Variants in NRXN3 observed in about 807,000 individuals in gnomAD.
NRXN3 encodes neurexin III.
NRXN3 carries 32 observed loss-of-function variants against 137.6 expected under a neutral mutation model. The ratio of observed to expected loss-of-function variants is 0.23; its 90% CI spans 0.18 to 0.31. The LOEUF is 0.31. Ranked by LOEUF, NRXN3 falls within the 10% of genes least tolerant of loss-of-function variation. NRXN3 has a pLI of 1.00. For missense variants in NRXN3, 1,574 were observed against 2,062.5 expected (o/e 0.76, Z 4.59); for synonymous variants, 798 against 784.5 (o/e 1.02, Z -0.29).
intron 4 of NRXN3, among the ~76,000 whole-genome samples, chr14:78,585,760 T>C (rs1183212258): frequency 6.6e-6 from 1 of 152,070 alleles, no homozygotes; most frequent in Non-Finnish European, 1.5e-5. Context: ...CTGAGAGAGA[T>C]GCAGTTTTAG....
chr14:79,515,820 A>G (rs959207642), intron 16 of NRXN3, among the ~76,000 whole-genome samples: 2 of 152,166 alleles, frequency 1.3e-5, no homozygotes, highest in Non-Finnish European at 2.9e-5. Context: ...GGGGAAAACT[A>G]TGGCAGGAAG....
intron 4 of NRXN3, among the ~76,000 whole-genome samples, chr14:78,317,671 A>C (rs1386154672): frequency 1.3e-5 from 2 of 152,152 alleles, no homozygotes; most frequent in Non-Finnish European, 1.5e-5. Flanking sequence ...CACTGATTCT[A>C]ATGCGAATCC....
chr14:79,697,689 G>C lies in NRXN3; in HGVS notation c.3766G>C (p.Gly1256Arg). The C allele has an allele frequency of 6.2e-7, 1 of 1,613,012 alleles. No individual in the cohort carries two copies. The highest frequency in any genetic ancestry group is 8.5e-7 in the Non-Finnish European group (1 of 1,179,318). Reference protein sequence around the residue: ...AQIAIGGKDKGRLFQGQLSGL... With the variant: ...AQIAIGGKDKRRLFQGQLSGL... ...AATAGCCATTGGTGGAAAGGACAAA[G>C]GACGCCTCTTCCAAGGCCAACTCTC... Residue 1256 changes from glycine to arginine, a missense_variant, in exon 19 of 21, where the codon GGA becomes CGA. Gly to Arg is a moderately radical substitution (Grantham distance 125). Around this residue, in one of 5 missense-constraint regions of NRXN3, gnomAD observed 133 missense variants for 241.8 expected, o/e 0.55. Coordinates refer to ENST00000335750, the MANE Select transcript of NRXN3 (RefSeq NM_001330195.2).
At position 78,862,636 on chromosome 14, in the gene NRXN3, G is replaced by A. The variant is rs1001367756; in HGVS notation, c.2275+52292G>A. Among the ~76,000 whole-genome samples, 11 of 151,950 alleles carry A rather than the reference G, an allele frequency of 7.2e-5. No individual in the cohort carries two copies. The East Asian group carries it at 7.7e-4, about 11-fold the overall frequency. On this transcript the variant is annotated intron_variant, in intron 10 of 20. Transcript: ENST00000335750. ...TGGTTACCCGTTTAGTATTTTATCT[G>A]TTCAACAACCATTTACTAATGTCCT... is the stretch of plus-strand genomic sequence containing the variant.
At chr14:79,564,823 T>C (rs2097532469) in intron 16 of NRXN3, among the ~76,000 whole-genome samples, 2 of 152,122 alleles carry the variant, frequency 1.3e-5, no homozygotes, top group Non-Finnish European at 2.9e-5. Flanking sequence ...GTAAGGACTA[T>C]TGAGAAAAGA....
intron 11 of NRXN3, among the ~76,000 whole-genome samples, chr14:78,963,634 A>G (rs2099412313): frequency 6.6e-6 from 1 of 152,178 alleles, no homozygotes; most frequent in African/African-American, 2.4e-5. Flanking sequence ...GTTATTTGTT[A>G]GCAGATTTAT....
At chr14:79,008,794 G>A (rs1047315730) in intron 15 of NRXN3, among the ~76,000 whole-genome samples, 11 of 151,814 alleles carry the variant, frequency 7.2e-5, no homozygotes, top group African/African-American at 2.2e-4. Context: ...GAGTAGCTGG[G>A]ATTATAGGCG....
intron 15 of NRXN3, among the ~76,000 whole-genome samples, chr14:79,254,917 G>A (rs1015916929): frequency 4.2e-5 from 6 of 144,048 alleles, no homozygotes; most frequent in African/African-American, 1.5e-4. Context: ...CTCCTTTCTA[G>A]TAGATGTCTC....
chr14:79,352,351 A>G (rs1172901863), intron 15 of NRXN3, among the ~76,000 whole-genome samples: 1 of 152,234 alleles, frequency 6.6e-6, no homozygotes, highest in African/African-American at 2.4e-5. Context: ...GTTCTGTTAG[A>G]CAGAACTGAA....
At chr14:79,775,880 G>A (rs115791835) in intron 19 of NRXN3, among the ~76,000 whole-genome samples, 1 of 152,190 alleles carries the variant, frequency 6.6e-6, no homozygotes, top group Non-Finnish European at 1.5e-5. Context: ...TTGATAGTTG[G>A]TAAGGATCAA....
Position 79,686,109 on chromosome 14 carries a change from C to T in NRXN3, c.3617-6064C>T, listed in dbSNP as rs773276073. 1.3e-5 allele frequency among the ~76,000 whole-genome samples: 2 copies of T among 151,936 alleles called. 1 individual carries two copies. Among genetic ancestry groups the T allele is most frequent in the East Asian group, 3.9e-4 (2 of 5,154 alleles). Reference sequence around the variant, plus strand: ...GAGTTGGAGACCAGCCTGGCCAACACAGTGAAACCCCATCTCTCCTAAAAA... The same window carrying T: ...GAGTTGGAGACCAGCCTGGCCAACATAGTGAAACCCCATCTCTCCTAAAAA... On this transcript the variant is annotated intron_variant, in intron 17 of 20. Transcript: ENST00000335750.
At chr14:78,325,247 G>A (rs1008489707) in intron 4 of NRXN3, among the ~76,000 whole-genome samples, 7 of 151,946 alleles carry the variant, frequency 4.6e-5, no homozygotes, top group Non-Finnish European at 5.9e-5. Flanking sequence ...GTTATGTTTC[G>A]GGGTGTGGGA....
chr14:79,769,425 T>TCA (rs1485211267), intron 19 of NRXN3, among the ~76,000 whole-genome samples: 35 of 152,210 alleles, frequency 2.3e-4, no homozygotes, highest in African/African-American at 7.9e-4. Flanking sequence ...AGCAGATCTC[T>TCA]CAGCAGAAAC....
intron 15 of NRXN3, among the ~76,000 whole-genome samples, chr14:79,391,785 T>C (rs752348934): frequency 2.2e-4 from 34 of 152,226 alleles, no homozygotes; most frequent in Non-Finnish European, 3.8e-4. Flanking sequence ...ATTGCATTGA[T>C]TTCTACAAAG....
At chr14:79,188,571 G>A (rs149986786) in intron 15 of NRXN3, among the ~76,000 whole-genome samples, 2 of 152,276 alleles carry the variant, frequency 1.3e-5, no homozygotes, top group Non-Finnish European at 2.9e-5. Context: ...ATTGAGCCAA[G>A]TAACTTCAAA....
chr14:78,619,472 A>G (rs8010153), intron 4 of NRXN3, among the ~76,000 whole-genome samples: 74,744 of 151,814 alleles, frequency 0.49, 21,890 homozygotes, highest in African/African-American at 0.82. Flanking sequence ...GATATGGTTA[A>G]GCTTTGTGTC....
intron 16 of NRXN3, among the ~76,000 whole-genome samples, chr14:79,646,478 C>A (rs1385144157): frequency 7.4e-6 from 1 of 136,018 alleles, no homozygotes; most frequent in East Asian, 2.0e-4. Context: ...CCATCAGCTG[C>A]ATGATGCTAA....
chr14:79,126,637 G>A (rs964357216), intron 15 of NRXN3, among the ~76,000 whole-genome samples: 42 of 152,068 alleles, frequency 2.8e-4, no homozygotes, highest in Admixed American at 1.2e-3. Flanking sequence ...ATAAACATAC[G>A]TGTGCATGTG....
intron 8 of NRXN3, among the ~76,000 whole-genome samples, chr14:78,777,766 TA>T (rs1427957062): frequency 6.6e-6 from 1 of 151,600 alleles, no homozygotes; most frequent in African/African-American, 2.4e-5. Context: ...GATTTTTTTT[TA>T]AAAATTTATT....
Sources: gnomAD v4.1 joint callset for allele counts (sites outside exome capture counted in the v4.1 genomes callset) on GRCh38, gnomAD v4.1.1 for gene constraint, gnomAD v4.1.1 regional missense constraint, MANE v1.5 for transcripts, NCBI Gene and HGNC (gene_info 2026-07-23, HGNC 2026-07-21) for gene names.